The following DPCD variants were observed in gnomAD, a reference collection of about 807,000 sequenced individuals.
DPCD encodes deleted in primary ciliary dyskinesia homolog (mouse).
Under a neutral mutation model 26.4 loss-of-function variants are expected in DPCD, and 20 were observed. The observed-to-expected ratio is 0.76, with a 90% confidence interval of 0.53 to 1.10. The LOEUF is 1.10. DPCD is among the 50% of genes least tolerant of loss of function. The probability of loss-of-function intolerance (pLI) is 0.00; values close to 1 mark genes in which losing one functional copy is unlikely to be tolerated. For missense variants in DPCD, 202 were observed against 253.9 expected, an observed-to-expected ratio of 0.80 and a Z score of 1.39; for synonymous variants, 97 against 94.2, an observed-to-expected ratio of 1.03 and a Z score of -0.17.
At chr10:101,598,024 T>C (rs1483272383) in intron 2 of DPCD, among the ~76,000 whole-genome samples, 5 of 152,218 alleles carry the variant, frequency 3.3e-5, no homozygotes, top group Non-Finnish European at 2.9e-5. Context: ...AGGTGTCAAG[T>C]TCCCTGAGTG....
At chr10:101,590,677 C>T (rs1189711022) in intron 1 of DPCD, among the ~76,000 whole-genome samples, 1 of 150,808 alleles carries the variant, frequency 6.6e-6, no homozygotes, top group Non-Finnish European at 1.5e-5. Context: ...CTCCTAGGCT[C>T]ATGTAGTCCT....
intron 1 of DPCD, among the ~76,000 whole-genome samples, chr10:101,594,456 A>G (rs535539458): frequency 5.3e-4 from 81 of 152,328 alleles, no homozygotes; most frequent in African/African-American, 1.8e-3. Context: ...AAGATGTTCA[A>G]GGAAAGCTTC....
At chr10:101,596,441 G>C (rs868414751) in intron 2 of DPCD, among the ~76,000 whole-genome samples, 6 of 152,230 alleles carry the variant, frequency 3.9e-5, no homozygotes, top group African/African-American at 1.4e-4. Context: ...TAAGCACCTT[G>C]TTGAGAATTA....
intron 1 of DPCD, among the ~76,000 whole-genome samples, chr10:101,592,695 TG>T (rs2063619674): frequency 7.5e-6 from 1 of 133,564 alleles, no homozygotes; most frequent in African/African-American, 2.8e-5. Context: ...ACTCCAGCCT[TG>T]GCAACAGAGC....
chr10:101,595,809 G>A (rs1311187952), intron 2 of DPCD, among the ~76,000 whole-genome samples: 1 of 152,112 alleles, frequency 6.6e-6, no homozygotes, highest in East Asian at 1.9e-4. Context: ...ACACTGATTC[G>A]GTGGAAACCA....
chr10:101,605,101 C>G, intron 4 of DPCD: 1 of 1,550,440 alleles, frequency 6.4e-7, no homozygotes, highest in Non-Finnish European at 8.7e-7. Flanking sequence ...TGCCCAGAGC[C>G]TTGATGTTTA....
In DPCD at chr10:101,603,771, A is replaced by G. The variant is rs1479981430; in HGVS notation, c.404+2435A>G. ...GACTCCATCTCAAAAAAAAAAAAAG[A>G]GATGGAGTCTTGCCCTATTGCCCAG... On this transcript the variant is annotated intron_variant, in intron 4 of 5. Transcript: ENST00000370151. The surrounding 1 kb of genome is among the most constrained non-coding windows in gnomAD (Gnocchi z 4.6). Among the ~76,000 whole-genome samples, 1 of 150,824 alleles carries G rather than the reference A, an allele frequency of 6.6e-6. No individual in the cohort carries two copies. Among genetic ancestry groups the G allele is most frequent in the Non-Finnish European group, 1.5e-5 (1 of 67,656 alleles).
chr10:101,597,027 A>T (rs1298957697), intron 2 of DPCD, among the ~76,000 whole-genome samples: 2 of 151,566 alleles, frequency 1.3e-5, no homozygotes, highest in Non-Finnish European at 2.9e-5. Flanking sequence ...ATTCATTCCC[A>T]CCCCCCACAA....
At chr10:101,598,545 AAG>A (rs2063669620) in intron 2 of DPCD, among the ~76,000 whole-genome samples, 1 of 151,716 alleles carries the variant, frequency 6.6e-6, no homozygotes. Context: ...CAAGGGTTGA[AAG>A]AGAGCAGTCA....
Position 101,588,386 on chromosome 10 carries a change from C to G in DPCD, c.50C>G (p.Ala17Gly), listed in dbSNP as rs770660009. 1 of 1,596,146 alleles carries G rather than the reference C, an allele frequency of 6.3e-7. No homozygotes were observed. The highest frequency in any genetic ancestry group is 1.1e-5 in the South Asian group (1 of 88,612). The change falls in exon 1 of 6, where the codon GCG becomes GGG. Residue 17 changes from alanine (A) to glycine (G), a missense_variant. By Grantham distance (60) the Ala-to-Gly change is moderately conservative. Transcript: ENST00000370151. The stretch of plus-strand genomic sequence containing the variant: ...AGTCTGCGGACAGCCCAGAAGACTG[C>G]GCTGCTGCAGGACGGTAACTCGAGG... ...LESLRTAQKT[A>G]LLQDGRRKVH...
chr10:101,594,413 G>A (rs1457498482), intron 1 of DPCD, among the ~76,000 whole-genome samples: 1 of 152,194 alleles, frequency 6.6e-6, no homozygotes, highest in Non-Finnish European at 1.5e-5. Flanking sequence ...GAAAAAATAT[G>A]GAGCTGTTGC....
intron 2 of DPCD, among the ~76,000 whole-genome samples, chr10:101,599,475 T>G (rs1198821300): frequency 2.0e-5 from 3 of 152,244 alleles, no homozygotes; most frequent in East Asian, 1.9e-4. Flanking sequence ...GGAGAATTTT[T>G]GGCCCTAAGA....
At chr10:101,608,423 T>A (rs1353622800) in intron 4 of DPCD, among the ~76,000 whole-genome samples, 1 of 152,236 alleles carries the variant, frequency 6.6e-6, no homozygotes, top group African/African-American at 2.4e-5. Context: ...CAGATCTGAA[T>A]GTCCTTACTC....
In DPCD at chr10:101,590,582, C is replaced by CT. The variant is rs763711189; in HGVS notation, c.64+2201dup. On this transcript the variant is annotated intron_variant, in intron 1 of 5. Transcript: ENST00000370151. ...TTTTTAATCTTTCTCAACGGAAATT[C>CT]TTTTTTTTTTTTTTTTTTTAGAGAC... 3.3e-3 allele frequency among the ~76,000 whole-genome samples: 398 copies of CT among 121,538 alleles called. 1 individual carries two copies. The highest frequency in any genetic ancestry group is 0.018 in the East Asian group (78 of 4,218). 79.7% of individuals were successfully genotyped at this position (121,538 alleles called of 152,430 possible). A position where few individuals can be genotyped will look rare whatever the true frequency, so the allele number is the denominator to read the frequency against.
At position 101,600,178 on chromosome 10, in the gene DPCD, T is replaced by C. The variant is rs1424022489; in HGVS notation, c.146-560T>C. 6.6e-6 allele frequency among the ~76,000 whole-genome samples: 1 copy of C among 152,226 alleles called. No homozygotes were observed. The highest frequency in any genetic ancestry group is 2.4e-5 in the African/African-American group (1 of 41,462). On this transcript the variant is annotated intron_variant, in intron 2 of 5. Transcript: ENST00000370151. The surrounding 1 kb of genome is among the most constrained non-coding windows in gnomAD (Gnocchi z 4.7). ...GCCTACGATTTTGTTTAAATGCAGC[T>C]TTGGAGCGTTTTTTTGTTTTTGCTT...
rs1031923038 is a variant in DPCD at position 101,594,918 on chromosome 10, C to T, written c.145+180C>T. Among the ~76,000 whole-genome samples the T allele has an allele frequency of 6.6e-6, 1 of 152,068 alleles. No individual in the cohort carries two copies. The highest frequency in any genetic ancestry group is 1.5e-5 in the Non-Finnish European group (1 of 68,016). On this transcript the variant is annotated intron_variant, in intron 2 of 5. Transcript: ENST00000370151. ...TAATCTGGGCACCAAAAGTGGAATG[C>T]GAGTCCTTTTGACCAGTAAAATTCA... is the stretch of plus-strand genomic sequence containing the variant.
chr10:101,598,912 G>A (rs1356927885), intron 2 of DPCD, among the ~76,000 whole-genome samples: 2 of 152,086 alleles, frequency 1.3e-5, no homozygotes, highest in Non-Finnish European at 2.9e-5. Flanking sequence ...GAGCCACCAC[G>A]CCCGGCCTGG....
chr10:101,598,314 T>G (rs1185353901), intron 2 of DPCD, among the ~76,000 whole-genome samples: 2 of 152,088 alleles, frequency 1.3e-5, no homozygotes, highest in Non-Finnish European at 2.9e-5. Context: ...AAGCTTACCC[T>G]TTAAAGGCCA....
In DPCD at chr10:101,603,436, ATT is replaced by A. The variant is rs2134776326; in HGVS notation, c.404+2104_404+2105del. Reference sequence around the variant, plus strand: ...TGCATAGACATTCTTTTTTATTTTTATTTTTATTTATTTATTTTTTTTTTAAG... The same window carrying A: ...TGCATAGACATTCTTTTTTATTTTTATTTATTTATTTATTTTTTTTTTAAG... On this transcript the variant is annotated intron_variant, in intron 4 of 5. Coordinates refer to ENST00000370151, the MANE Select transcript of DPCD (RefSeq NM_015448.3). The surrounding 1 kb of genome is among the most constrained non-coding windows in gnomAD (Gnocchi z 4.6). 6.6e-6 allele frequency among the ~76,000 whole-genome samples: 1 copy of A among 151,276 alleles called. No individual in the cohort carries two copies. Among genetic ancestry groups the A allele is most frequent in the African/African-American group, 2.4e-5 (1 of 41,232 alleles).
Sources: gnomAD v4.1 joint callset for allele counts (sites outside exome capture counted in the v4.1 genomes callset) on GRCh38, gnomAD v4.1.1 for gene constraint, Gnocchi (gnomAD v3.1) non-coding constraint, MANE v1.5 for transcripts, NCBI Gene and HGNC (gene_info 2026-07-23, HGNC 2026-07-21) for gene names.